The following NISCH variants were observed in gnomAD, a reference collection of about 807,000 sequenced individuals.
NISCH encodes the protein nischarin, also known as I-1 receptor candidate protein.
Under a neutral mutation model 138.4 loss-of-function variants are expected in NISCH, and 55 were observed. The ratio of observed to expected loss-of-function variants is 0.40; its 90% CI spans 0.32 to 0.50. The LOEUF is 0.50. Among genes scored for constraint, NISCH ranks in the 20% least tolerant of loss-of-function variants. The probability of loss-of-function intolerance (pLI) is 0.71; values close to 1 mark genes in which losing one functional copy is unlikely to be tolerated. For missense variants in NISCH, 1,643 were observed against 2,005.5 expected (o/e 0.82, Z 3.45); for synonymous variants, 860 against 861.5 (o/e 1.00, Z 0.03).
intron 13 of NISCH, 37 bp downstream of exon 13, chr3:52,480,332 A>G: frequency 6.2e-7 from 1 of 1,611,908 alleles, no homozygotes; most frequent in Non-Finnish European, 8.5e-7. Context: ...GTGGAGCCAC[A>G]CAGCCCTGCC....
At chr3:52,467,705 G>A (rs1423790249) in intron 3 of NISCH, among the ~76,000 whole-genome samples, 3 of 152,232 alleles carry the variant, frequency 2.0e-5, no homozygotes, top group African/African-American at 7.2e-5. Flanking sequence ...AGCAGGAGCC[G>A]GTGGCCCTTA....
Position 52,490,790 on chromosome 3 carries a change from G to A in NISCH, c.3699G>A (p.Gln1233=), listed in dbSNP as rs1707540963. Residue 1233 remains glutamine, a synonymous_variant, in exon 19 of 21, where the codon CAG becomes CAA. Coordinates refer to ENST00000345716, the MANE Select transcript of NISCH (RefSeq NM_007184.4). Reference sequence around the variant, plus strand: ...TCGTGCTAAAGCTTAGTGACCTGCAGTCAGTCAATGTGGGGCTTTTCGACC... The same window carrying A: ...TCGTGCTAAAGCTTAGTGACCTGCAATCAGTCAATGTGGGGCTTTTCGACC... ...QCFVLKLSDL[Q]SVNVGLFDQH... is the part of the protein sequence containing the mutation. 1 of 1,614,102 alleles carries A rather than the reference G, an allele frequency of 6.2e-7. No homozygotes were observed. The highest frequency in any genetic ancestry group is 8.5e-7 in the Non-Finnish European group (1 of 1,180,044).
chr3:52,488,274 C>A lies in NISCH; in HGVS notation c.2782C>A (p.Pro928Thr). 6.2e-7 allele frequency: 1 copy of A among 1,610,412 alleles called. No individual in the cohort carries two copies. The highest frequency in any genetic ancestry group is 8.5e-7 in the Non-Finnish European group (1 of 1,179,980). The change falls in exon 16 of 21, where the codon CCC becomes ACC. Residue 928 changes from proline to threonine, a missense_variant. Coordinates refer to ENST00000345716, the MANE Select transcript of NISCH (RefSeq NM_007184.4). Reference protein sequence around the residue: ...NVIKADFNPMPNRGTHNCRNR... With the variant: ...NVIKADFNPMTNRGTHNCRNR... ...CATCAAGGCCGACTTCAACCCCATG[C>A]CCAACCGTGGCACCCACAACTGTCG...
chr3:52,470,729 C>T lies in NISCH; in HGVS notation c.361-130C>T, dbSNP rs1024450656. ...TTCTTGCTTCATTGTAGGTTTATGC[C>T]CTCCTTTCTTTAGTTTAACTTCCTA... On this transcript the variant is annotated intron_variant, in intron 3 of 20. Transcript: ENST00000345716. 245 of 770,512 alleles carry T rather than the reference C, an allele frequency of 3.2e-4. 2 individuals carry two copies. The highest frequency in any genetic ancestry group is 4.9e-4 in the Admixed American group (25 of 50,588). 47.7% of individuals were successfully genotyped at this position (770,512 alleles called of 1,614,324 possible). A position where few individuals can be genotyped will look rare whatever the true frequency, so the allele number is the denominator to read the frequency against.
chr3:52,490,877 G>C, intron 19 of NISCH, 44 bp downstream of exon 19: 1 of 1,610,114 alleles, frequency 6.2e-7, no homozygotes, highest in African/African-American at 1.3e-5. Flanking sequence ...GTGAAGGCCA[G>C]CATCACCAGT....
rs572659596 is a variant in NISCH at position 52,465,452 on chromosome 3, A to G, written c.361-5407A>G. Among the ~76,000 whole-genome samples, 7 of 152,286 alleles carry G rather than the reference A, an allele frequency of 4.6e-5. No individual in the cohort carries two copies. In the South Asian group the frequency reaches 1.5e-3, roughly 32 times the overall value. ...GCCTGCAGTGTGGATTTTAATAACAAGGAAAGAAAGCACTACTTGTTTACC... is the reference window on the plus strand; with the variant it reads ...GCCTGCAGTGTGGATTTTAATAACAGGGAAAGAAAGCACTACTTGTTTACC... On this transcript the variant is annotated intron_variant, in intron 3 of 20. Transcript: ENST00000345716.
chr3:52,471,421 C>T, intron 4 of NISCH: 1 of 325,914 alleles, frequency 3.1e-6, no homozygotes, highest in Non-Finnish European at 5.8e-6. Flanking sequence ...CTTCCAGGCT[C>T]TGCACCACGC....
intron 4 of NISCH, among the ~76,000 whole-genome samples, 162 bp from the exon 5 acceptor site, chr3:52,471,652 G>A (rs569072906): frequency 2.0e-5 from 3 of 152,322 alleles, no homozygotes; most frequent in Admixed American, 6.5e-5. Context: ...TGCCTAGCAG[G>A]CACCCAGGAG....
chr3:52,470,737 C>G, intron 3 of NISCH, 122 bp from the exon 4 acceptor site: 1 of 812,318 alleles, frequency 1.2e-6, no homozygotes, highest in East Asian at 2.4e-5. Context: ...GCCCTCCTTT[C>G]TTTAGTTTAA....
In NISCH at chr3:52,477,795, T is replaced by A. The variant is rs948153996; in HGVS notation, c.987+153T>A. On this transcript the variant is annotated intron_variant, in intron 9 of 20. Coordinates refer to ENST00000345716, the MANE Select transcript of NISCH (RefSeq NM_007184.4). ...AGGATCCCAGCAATGCACTGAGTGATTGTTGCTCTAGTTCCAAAGAATTAG... is the reference window on the plus strand; with the variant it reads ...AGGATCCCAGCAATGCACTGAGTGAATGTTGCTCTAGTTCCAAAGAATTAG... 15 of 676,292 alleles carry A rather than the reference T, an allele frequency of 2.2e-5. No homozygotes were observed. In the African/African-American group the frequency reaches 2.3e-4, roughly 10 times the overall value. 41.9% of individuals were successfully genotyped at this position (676,292 alleles called of 1,614,324 possible). A position where few individuals can be genotyped will look rare whatever the true frequency, so the allele number is the denominator to read the frequency against.
At chr3:52,468,243 A>G (rs1478630231) in intron 3 of NISCH, among the ~76,000 whole-genome samples, 1 of 152,182 alleles carries the variant, frequency 6.6e-6, no homozygotes, top group Non-Finnish European at 1.5e-5. Context: ...TGGGAGACAG[A>G]GCGAGACCCC....
At chr3:52,460,186 CAAAAAAAA>C (rs60865450) in intron 3 of NISCH, among the ~76,000 whole-genome samples, 9 of 56,194 alleles carry the variant, frequency 1.6e-4, no homozygotes, top group South Asian at 1.0e-3. Context: ...GACTTCATCT[CAAAAAAAA>C]AAAAAAAAAA....
intron 3 of NISCH, among the ~76,000 whole-genome samples, chr3:52,461,515 C>G (rs559465472): frequency 6.6e-6 from 1 of 152,166 alleles, no homozygotes; most frequent in Non-Finnish European, 1.5e-5. Flanking sequence ...AAAAAATTTG[C>G]ATTCCTTATG....
chr3:52,479,852 C>G lies in NISCH; in HGVS notation c.1406C>G (p.Pro469Arg). 1 of 1,612,696 alleles carries G rather than the reference C, an allele frequency of 6.2e-7. No homozygotes were observed. Among genetic ancestry groups the G allele is most frequent in the South Asian group, 1.1e-5 (1 of 90,870 alleles). ...AKEVKSKLSNPEKKGGEDSRL... is the reference protein window; with the variant it reads ...AKEVKSKLSNREKKGGEDSRL... ...GAGGTCAAGTCCAAACTGAGCAACCCAGAGAAGAAGGTGGGTTTGTGTGGC... is the reference window on the plus strand; with the variant it reads ...GAGGTCAAGTCCAAACTGAGCAACCGAGAGAAGAAGGTGGGTTTGTGTGGC... Residue 469 changes from proline to arginine, a missense_variant, in exon 12 of 21, where the codon CCA (proline) becomes CGA (arginine). Coordinates refer to ENST00000345716, the MANE Select transcript of NISCH (RefSeq NM_007184.4).
intron 4 of NISCH, 33 bp downstream of exon 4, chr3:52,470,940 A>G (rs1269436339): frequency 1.9e-6 from 3 of 1,611,938 alleles, no homozygotes; most frequent in Non-Finnish European, 2.5e-6. Flanking sequence ...AATACTGAGC[A>G]TAAGTTGTGT....
chr3:52,486,878 C>T (rs992603772), intron 15 of NISCH, among the ~76,000 whole-genome samples: 1 of 152,212 alleles, frequency 6.6e-6, no homozygotes, highest in African/African-American at 2.4e-5. Context: ...ATGGCAGCAA[C>T]TGAATGACTT....
chr3:52,489,647 T>C lies in NISCH; in HGVS notation c.3425T>C (p.Ile1142Thr). ...GTCGCCAGCCTGCGGGGCAGCGCCATCATCGAGCTCTTCCACAGCAGCATT... is the reference window on the plus strand; with the variant it reads ...GTCGCCAGCCTGCGGGGCAGCGCCACCATCGAGCTCTTCCACAGCAGCATT... ...RHVASLRGSA[I>T]IELFHSSIAE... is the part of the protein sequence containing the mutation. The change falls in exon 17 of 21, where the codon ATC (isoleucine) becomes ACC (threonine). Residue 1142 changes from isoleucine (I) to threonine (T), a missense_variant. Physicochemically the swap from Ile to Thr is moderately conservative, Grantham distance 89. Transcript: ENST00000345716. 6.2e-7 allele frequency: 1 copy of C among 1,612,762 alleles called. No individual in the cohort carries two copies. The highest frequency in any genetic ancestry group is 1.3e-5 in the African/African-American group (1 of 75,074).
At chr3:52,473,487 A>C (rs956548026) in intron 6 of NISCH, among the ~76,000 whole-genome samples, 1 of 152,160 alleles carries the variant, frequency 6.6e-6, no homozygotes, top group Non-Finnish European at 1.5e-5. Context: ...CTTACAGAGG[A>C]AATGGAATTT....
In NISCH at chr3:52,492,199, G is replaced by A. The variant is rs142490807; in HGVS notation, c.4232G>A (p.Arg1411His). ...GACAGGTACCGGCTGGACGATGGCCGCCGCGTCCGGGACCTGGACCGAGTG... is the reference window on the plus strand; with the variant it reads ...GACAGGTACCGGCTGGACGATGGCCACCGCGTCCGGGACCTGGACCGAGTG... Reference protein sequence around the residue: ...QRDRYRLDDGRRVRDLDRVLM... With the variant: ...QRDRYRLDDGHRVRDLDRVLM... The change falls in exon 21 of 21, where the codon CGC becomes CAC. Residue 1411 changes from arginine to histidine, a missense_variant. Arg to His is a conservative substitution (Grantham distance 29, BLOSUM62 0). Coordinates refer to ENST00000345716, the MANE Select transcript of NISCH (RefSeq NM_007184.4). 9.2e-5 allele frequency: 149 copies of A among 1,612,952 alleles called. No homozygotes were observed. The highest frequency in any genetic ancestry group is 1.2e-4 in the Non-Finnish European group (142 of 1,180,054).
Sources: allele counts gnomAD v4.1 joint callset (sites outside exome capture counted in the v4.1 genomes callset), GRCh38; gene constraint gnomAD v4.1.1; transcripts MANE v1.5; gene names NCBI Gene and HGNC (gene_info 2026-07-23, HGNC 2026-07-21).